The following VRK2 variants were observed in gnomAD, a reference collection of about 807,000 sequenced individuals.
VRK2 encodes the protein VRK serine/threonine kinase 2.
VRK2 carries 60 observed loss-of-function variants against 57.6 expected under a neutral mutation model. The ratio of observed to expected loss-of-function variants is 1.04; its 90% CI spans 0.85 to 1.29. VRK2 has a LOEUF of 1.29. VRK2 is among the 50% of genes most tolerant of loss of function. The probability of loss-of-function intolerance (pLI) is 0.00; values close to 1 mark genes in which losing one functional copy is unlikely to be tolerated. For synonymous variants in VRK2, 231 were observed against 199.2 expected (o/e 1.16, Z -1.35); for missense variants, 705 against 588.1 (o/e 1.20, Z -2.06).
At chr2:57,985,018 C>T (rs17049283) in intron 1 of VRK2, among the ~76,000 whole-genome samples, 2,354 of 151,860 alleles carry the variant, frequency 0.016, 91 homozygotes, top group African/African-American at 0.054. Flanking sequence ...TAAGTCATTA[C>T]GCAAATTTGT....
upstream of VRK2, among the ~76,000 whole-genome samples, chr2:58,045,912 C>G (rs943453348): frequency 2.6e-5 from 4 of 152,176 alleles, no homozygotes; most frequent in African/African-American, 9.7e-5. Context: ...GGCGCGCTCT[C>G]TGCTCACTGC....
intron 7 of VRK2, among the ~76,000 whole-genome samples, chr2:58,091,846 G>A (rs978922263): frequency 6.6e-6 from 1 of 152,088 alleles, no homozygotes; most frequent in African/African-American, 2.4e-5. Flanking sequence ...CCAAAACAGC[G>A]AGGCACCCTT....
At chr2:58,040,498 A>G (rs924750284) in intron 3 of VRK2, among the ~76,000 whole-genome samples, 3 of 152,250 alleles carry the variant, frequency 2.0e-5, no homozygotes, top group Non-Finnish European at 4.4e-5. Context: ...TGTTTACATT[A>G]AAACATTTGT....
intron 1 of VRK2, among the ~76,000 whole-genome samples, chr2:57,944,875 G>A (rs1242697533): frequency 1.3e-5 from 2 of 152,120 alleles, no homozygotes; most frequent in Non-Finnish European, 2.9e-5. Flanking sequence ...ACGTGGAGCA[G>A]TAATAATCCC....
intron 1 of VRK2, among the ~76,000 whole-genome samples, chr2:57,951,668 T>C (rs1389322145): frequency 6.6e-6 from 1 of 152,202 alleles, no homozygotes; most frequent in African/African-American, 2.4e-5. Context: ...TCAGCAGTCA[T>C]GTACACTGAG....
intron 1 of VRK2, among the ~76,000 whole-genome samples, chr2:57,993,371 C>A (rs1237821395): frequency 1.3e-5 from 2 of 151,836 alleles, no homozygotes; most frequent in African/African-American, 4.8e-5. Flanking sequence ...TTAAGAATCC[C>A]AAGTACAGTT....
At chr2:58,122,237 A>G (rs767035124) in intron 7 of VRK2, among the ~76,000 whole-genome samples, 9 of 152,298 alleles carry the variant, frequency 5.9e-5, no homozygotes, top group Non-Finnish European at 7.4e-5. Flanking sequence ...GAGACTCATA[A>G]CATTAGGTTT....
chr2:58,142,039 G>A (rs1681426464), intron 11 of VRK2, among the ~76,000 whole-genome samples: 1 of 151,986 alleles, frequency 6.6e-6, no homozygotes, highest in African/African-American at 2.4e-5. Flanking sequence ...AGTAGTGAAT[G>A]AATTCTGGAC....
At chr2:57,929,548 C>T (rs570136418) in intron 1 of VRK2, among the ~76,000 whole-genome samples, 1 of 152,218 alleles carries the variant, frequency 6.6e-6, no homozygotes, top group South Asian at 2.1e-4. Context: ...TGGTCCTCTA[C>T]CCTACTGTGG....
intron 1 of VRK2, among the ~76,000 whole-genome samples, chr2:57,992,405 C>G (rs932432875): frequency 2.0e-5 from 3 of 152,162 alleles, no homozygotes; most frequent in Admixed American, 6.5e-5. Context: ...GAAGGGCATT[C>G]CAGAGTAGGG....
chr2:57,939,242 T>C (rs930736409), intron 1 of VRK2, among the ~76,000 whole-genome samples: 23 of 152,208 alleles, frequency 1.5e-4, no homozygotes, highest in Non-Finnish European at 3.2e-4. Flanking sequence ...TTATCAAGTG[T>C]TCATTTTCCA....
At chr2:58,054,141 A>T (rs1212745872) in intron 2 of VRK2, among the ~76,000 whole-genome samples, 1 of 152,072 alleles carries the variant, frequency 6.6e-6, no homozygotes, top group Non-Finnish European at 1.5e-5. Flanking sequence ...GGTGTTTAAG[A>T]AAGTTTGGGT....
rs1573033842 is a variant in VRK2, at chr2:58,089,689, C to G, written c.509C>G (p.Ala170Gly). 1 of 1,608,934 alleles carries G rather than the reference C, an allele frequency of 6.2e-7. No individual in the cohort carries two copies. The highest frequency in any genetic ancestry group is 2.2e-5 in the East Asian group (1 of 44,688). The change falls in exon 7 of 13, where the codon GCA (alanine) becomes GGA (glycine). Residue 170 changes from alanine (A) to glycine (G), a missense_variant. Ala to Gly is a moderately conservative substitution (Grantham distance 60). Coordinates refer to ENST00000340157, the MANE Select transcript of VRK2 (RefSeq NM_006296.7). ...NEYVHGDIKA[A>G]NLLLGYKNPD... ...TATGTTCATGGTGATATAAAAGCAG[C>G]AAATCTACTTTTGGGTTACAAAAAT...
At chr2:58,106,397 GA>G (rs1674757842) in intron 7 of VRK2, among the ~76,000 whole-genome samples, 1 of 151,950 alleles carries the variant, frequency 6.6e-6, no homozygotes, top group Non-Finnish European at 1.5e-5. Flanking sequence ...GGTTAGAATA[GA>G]AAAGCAGATC....
At chr2:57,918,913 G>A (rs368583620) in intron 1 of VRK2, among the ~76,000 whole-genome samples, 2 of 152,090 alleles carry the variant, frequency 1.3e-5, no homozygotes, top group African/African-American at 4.8e-5. Flanking sequence ...TGTATCTGAA[G>A]ATTTTTAAAC....
upstream of VRK2, among the ~76,000 whole-genome samples, chr2:58,046,065 A>T (rs1013093694): frequency 1.3e-5 from 2 of 152,030 alleles, no homozygotes; most frequent in African/African-American, 4.8e-5. Flanking sequence ...GGCTGGTCTC[A>T]AACTCCTGAC....
chr2:57,969,651 A>G (rs1353393452), intron 1 of VRK2, among the ~76,000 whole-genome samples: 4 of 152,160 alleles, frequency 2.6e-5, no homozygotes, highest in Admixed American at 2.6e-4. Context: ...TTCTAAGGAA[A>G]TGAACAGAAA....
chr2:58,077,589 CA>C (rs1049244786), intron 2 of VRK2, among the ~76,000 whole-genome samples: 19 of 151,884 alleles, frequency 1.3e-4, no homozygotes, highest in African/African-American at 4.6e-4. Context: ...ATCTGGCCCC[CA>C]AAAGTGACCA....
chr2:58,069,579 GATACCA>G (rs1038232470), intron 2 of VRK2, among the ~76,000 whole-genome samples: 1 of 152,022 alleles, frequency 6.6e-6, no homozygotes, highest in African/African-American at 2.4e-5. Flanking sequence ...AAAGTTATTA[GATACCA>G]CTCTCTTTTG....
Sources: gnomAD v4.1 joint callset for allele counts (sites outside exome capture counted in the v4.1 genomes callset) on GRCh38, gnomAD v4.1.1 for gene constraint, MANE v1.5 for transcripts, NCBI Gene and HGNC (gene_info 2026-07-23, HGNC 2026-07-21) for gene names.